NPAT: variants seen among roughly 807,000 people sequenced by gnomAD.
The protein encoded by NPAT is nuclear protein, coactivator of histone transcription.
A neutral mutation model predicts 130.7 loss-of-function variants in NPAT; 52 were observed. The observed-to-expected ratio is 0.40, with a 90% CI of 0.32 to 0.50. The LOEUF is 0.50. NPAT is among the 20% of genes least tolerant of loss of function. The probability of loss-of-function intolerance (pLI) is 0.68; values close to 1 mark genes in which losing one functional copy is unlikely to be tolerated. For missense variants in NPAT, 1,687 were observed against 1,662.6 expected, an observed-to-expected ratio of 1.01 and a Z score of -0.26; for synonymous variants, 580 against 584.8, an observed-to-expected ratio of 0.99 and a Z score of 0.12.
intron 1 of NPAT, among the ~76,000 whole-genome samples, chr11:108,199,707 TC>T (rs2078256750): frequency 1.3e-5 from 2 of 152,188 alleles, no homozygotes; most frequent in South Asian, 4.1e-4. Context: ...TGGCTTTGTT[TC>T]AATCCAGTCT....
chr11:108,202,344 C>A (rs985433972), intron 1 of NPAT, among the ~76,000 whole-genome samples: 4 of 152,114 alleles, frequency 2.6e-5, no homozygotes, highest in Non-Finnish European at 4.4e-5. Flanking sequence ...GCAGCTAAGT[C>A]GGCAGCAAGA....
In NPAT at chr11:108,177,011, A is replaced by G. The variant is rs1252880446; in HGVS notation, c.986T>C (p.Phe329Ser). The change falls in exon 11 of 18, where the codon TTT (phenylalanine) becomes TCT (serine). Residue 329 changes from phenylalanine (F) to serine (S), a missense_variant. By Grantham distance (155) the Phe-to-Ser change is radical (BLOSUM62 -2). Transcript: ENST00000278612. ...CTCCTTACCATAGTCAAAGAGATCA[A>G]AGAGTGCCTGAAATGCTGGGTCTGA... ...TESDPAFQAL[F>S]DLFDYGKTKN... 1 of 1,609,968 alleles carries G rather than the reference A, an allele frequency of 6.2e-7. No individual in the cohort carries two copies. Among genetic ancestry groups the G allele is most frequent in the Non-Finnish European group, 8.5e-7 (1 of 1,176,484 alleles).
intron 1 of NPAT, among the ~76,000 whole-genome samples, chr11:108,210,606 T>C (rs2078375239): frequency 6.6e-6 from 1 of 152,182 alleles, no homozygotes; most frequent in Admixed American, 6.5e-5. Flanking sequence ...CACTCTCAGG[T>C]GTTTCTTCAT....
chr11:108,217,395 T>C (rs1029540079), intron 1 of NPAT, among the ~76,000 whole-genome samples: 2 of 152,192 alleles, frequency 1.3e-5, no homozygotes, highest in African/African-American at 4.8e-5. Context: ...TTGGACTTTA[T>C]TTACAAGTGT....
chr11:108,166,234 ATACAAAAAT>A (rs1173285751), intron 15 of NPAT, among the ~76,000 whole-genome samples: 1 of 152,068 alleles, frequency 6.6e-6, no homozygotes, highest in Non-Finnish European at 1.5e-5. Flanking sequence ...TCTACTAAAA[ATACAAAAAT>A]TAGCTGAGTG....
chr11:108,195,112 A>G (rs1256956254), intron 2 of NPAT, among the ~76,000 whole-genome samples: 1 of 152,030 alleles, frequency 6.6e-6, no homozygotes, highest in Non-Finnish European at 1.5e-5. Flanking sequence ...GTGAGCCACC[A>G]CACTTAGCCT....
intron 1 of NPAT, among the ~76,000 whole-genome samples, chr11:108,204,553 CG>C (rs1235817835): frequency 6.3e-4 from 21 of 33,420 alleles, no homozygotes; most frequent in Admixed American, 3.6e-3. Context: ...TGGAACCTGC[CG>C]AACCTGCCGA....
rs775351457 is a variant in NPAT, at chr11:108,172,683, G to T, written c.2301C>A (p.Asn767Lys). Residue 767 changes from asparagine to lysine, a missense_variant, in exon 13 of 18, where the codon AAC (asparagine) becomes AAA (lysine). Transcript: ENST00000278612. ...GAGAAGACAAGATTATAGTTGGCAG[G>T]TTTTCTCCATTAATACTAGAAACAG... ...TSAVSSINGE[N>K]LPTIILSSPT... 3 of 1,613,868 alleles carry T rather than the reference G, an allele frequency of 1.9e-6. No homozygotes were observed. Among genetic ancestry groups the T allele is most frequent in the Middle Eastern group, 1.6e-4 (1 of 6,062 alleles).
intron 1 of NPAT, among the ~76,000 whole-genome samples, chr11:108,210,824 T>C (rs1487010818): frequency 6.6e-6 from 1 of 152,196 alleles, no homozygotes; most frequent in East Asian, 1.9e-4. Context: ...CTTTTTGAAA[T>C]AGTAGGAGAG....
At chr11:108,208,921 A>C (rs934308680) in intron 1 of NPAT, among the ~76,000 whole-genome samples, 4 of 152,238 alleles carry the variant, frequency 2.6e-5, no homozygotes, top group Non-Finnish European at 5.9e-5. Context: ...ATAAGTGTCA[A>C]TAAATTTATG....
intron 1 of NPAT, among the ~76,000 whole-genome samples, chr11:108,201,976 C>T (rs535004064): frequency 6.6e-6 from 1 of 152,220 alleles, no homozygotes; most frequent in South Asian, 2.1e-4. Context: ...ATAAGGGATC[C>T]ATAAAGCAGG....
At chr11:108,169,109 T>C (rs990006052) in intron 15 of NPAT, among the ~76,000 whole-genome samples, 4 of 152,090 alleles carry the variant, frequency 2.6e-5, no homozygotes, top group African/African-American at 9.7e-5. Flanking sequence ...TGATACAACT[T>C]AGATGAAAAA....
chr11:108,175,326 G>T (rs1465397780), intron 12 of NPAT, among the ~76,000 whole-genome samples: 1 of 152,074 alleles, frequency 6.6e-6, no homozygotes, highest in African/African-American at 2.4e-5. Context: ...GGCACCCACT[G>T]GGGGGCTTGG....
chr11:108,176,402 T>TA (rs1268738452), intron 11 of NPAT, 28 bp from the exon 12 acceptor site: 1 of 1,458,704 alleles, frequency 6.9e-7, no homozygotes, highest in East Asian at 2.3e-5. Flanking sequence ...TGGAAATAAT[T>TA]AAATGACCAA....
chr11:108,216,810 C>T (rs1408915450), intron 1 of NPAT, among the ~76,000 whole-genome samples: 1 of 151,170 alleles, frequency 6.6e-6, no homozygotes, highest in Admixed American at 6.6e-5. Context: ...ACATTATCTT[C>T]TGCTCTTAAC....
rs914620703 is a variant in NPAT, at chr11:108,160,321, C to T, written c.4206+559G>A. 2.0e-5 allele frequency among the ~76,000 whole-genome samples: 3 copies of T among 151,774 alleles called. No individual in the cohort carries two copies. The South Asian group carries it at 6.2e-4, about 32-fold the overall frequency. On this transcript the variant is annotated intron_variant, in intron 17 of 17. Coordinates refer to ENST00000278612, the MANE Select transcript of NPAT (RefSeq NM_002519.3). ...CTGGGCAACGAGAGTGAAACCCTCTCTCAAAAAAATGGAAAAACATACGTA... is the reference window on the plus strand; with the variant it reads ...CTGGGCAACGAGAGTGAAACCCTCTTTCAAAAAAATGGAAAAACATACGTA...
Position 108,158,788 on chromosome 11 carries a change from T to C in NPAT, c.*154A>G, listed in dbSNP as rs767559401. 1.1e-4 allele frequency: 64 copies of C among 591,370 alleles called. No individual in the cohort carries two copies. The highest frequency in any genetic ancestry group is 1.8e-4 in the Admixed American group (6 of 32,874). 36.6% of individuals were successfully genotyped at this position (591,370 alleles called of 1,614,324 possible). On this transcript the variant is annotated 3_prime_UTR_variant, in exon 18 of 18. Transcript: ENST00000278612. ...TAAGTCTATTTACAAACTAGGAAGC[T>C]GTTTCAGAAACAGCATGATTTAGAT...
At chr11:108,193,514 T>C (rs2078190775) in intron 3 of NPAT, among the ~76,000 whole-genome samples, 1 of 151,962 alleles carries the variant, frequency 6.6e-6, no homozygotes, top group South Asian at 2.1e-4. Flanking sequence ...TCACCTGAGG[T>C]CGGGAGTTCG....
Position 108,172,850 on chromosome 11 carries a change from C to T in NPAT, c.2134G>A (p.Asp712Asn), listed in dbSNP as rs746944959. The change falls in exon 13 of 18, where the codon GAT becomes AAT. Residue 712 changes from aspartate to asparagine, a missense_variant. Asp to Asn is a conservative substitution (Grantham distance 23). Around this residue, in one of 3 missense-constraint regions of NPAT, gnomAD observed 1,379 missense variants for 1,346.6 expected, o/e 1.02. Transcript: ENST00000278612. ...GTATTTTGGGACTCAGGGTGAGAAT[C>T]TCCCACTGAAGAACACACAGATTCT... ...PPESVCSSVG[D>N]SHPESQNTDD... 1 of 1,613,992 alleles carries T rather than the reference C, an allele frequency of 6.2e-7. No individual in the cohort carries two copies. The highest frequency in any genetic ancestry group is 8.5e-7 in the Non-Finnish European group (1 of 1,180,028).
Sources: gnomAD v4.1 joint callset for allele counts (sites outside exome capture counted in the v4.1 genomes callset) on GRCh38, gnomAD v4.1.1 for gene constraint, gnomAD v4.1.1 regional missense constraint, MANE v1.5 for transcripts, NCBI Gene and HGNC (gene_info 2026-07-23, HGNC 2026-07-21) for gene names.